MRAP: variants seen among roughly 807,000 people sequenced by gnomAD.
MRAP encodes melanocortin 2 receptor accessory protein, also known as melanocortin-2 receptor accessory protein.
A neutral mutation model predicts 8.7 loss-of-function variants in MRAP; 8 were observed. The ratio of observed to expected loss-of-function variants is 0.92; its 90% CI spans 0.54 to 1.66. The LOEUF is 1.66. MRAP is among the 40% of genes most tolerant of loss of function. The probability of loss-of-function intolerance (pLI) is 0.00; values close to 1 mark genes in which losing one functional copy is unlikely to be tolerated. For missense variants in MRAP, 237 were observed against 217.1 expected (o/e 1.09, Z -0.58); for synonymous variants, 95 against 95.5 (o/e 1.00, Z 0.03).
At chr21:32,302,319 T>C (rs1374131676) in intron 1 of MRAP, among the ~76,000 whole-genome samples, 4 of 152,378 alleles carry the variant, frequency 2.6e-5, no homozygotes, top group Non-Finnish European at 4.4e-5. Context: ...ATTGTGTCTA[T>C]GTGTGAGTCC....
At chr21:32,308,462 G>A (rs2032471902) in intron 2 of MRAP, 1 of 152,674 alleles carries the variant, frequency 6.5e-6, no homozygotes, top group South Asian at 2.1e-4. Flanking sequence ...GATGCCTGCT[G>A]TGTGCCACTA....
intron 1 of MRAP, among the ~76,000 whole-genome samples, chr21:32,302,853 G>C (rs996323765): frequency 4.6e-5 from 7 of 152,192 alleles, no homozygotes; most frequent in Non-Finnish European, 1.0e-4. Context: ...CTCTGAAAAG[G>C]AGGCAAGGAA....
At chr21:32,313,299 A>G (rs1295368583), downstream of MRAP, 1 of 152,266 alleles carries the variant, frequency 6.6e-6, no homozygotes, top group Non-Finnish European at 1.5e-5. Flanking sequence ...CCCCCTGCAT[A>G]AACAAGCAGA....
At chr21:32,313,444 A>C (rs2032626160), downstream of MRAP, 1 of 152,258 alleles carries the variant, frequency 6.6e-6, no homozygotes, top group Non-Finnish European at 1.5e-5. Flanking sequence ...TGGGATTTCA[A>C]GTTCAGGATA....
In MRAP at chr21:32,310,844, C is replaced by T. The variant is rs2032545711; in HGVS notation, c.207-840C>T. ...GTATTTTCAGTAGAGACGGGGTTTCCCTATGTTGGCCAGGATTGTCTCGAT... is the reference window on the plus strand; with the variant it reads ...GTATTTTCAGTAGAGACGGGGTTTCTCTATGTTGGCCAGGATTGTCTCGAT... On this transcript the variant is annotated intron_variant, in intron 2 of 2. Transcript: ENST00000303645. Among the ~76,000 whole-genome samples the T allele has an allele frequency of 2.6e-5, 4 of 151,936 alleles. No individual in the cohort carries two copies. The South Asian group carries it at 8.3e-4, about 32-fold the overall frequency.
At chr21:32,304,615 A>G (rs1217935628) in intron 1 of MRAP, among the ~76,000 whole-genome samples, 1 of 142,964 alleles carries the variant, frequency 7.0e-6, no homozygotes, top group African/African-American at 2.6e-5. Context: ...CTCTGTCTCA[A>G]ACAAAAAAAA....
At chr21:32,300,955 T>G (rs147116952) in intron 1 of MRAP, among the ~76,000 whole-genome samples, 2 of 148,820 alleles carry the variant, frequency 1.3e-5, no homozygotes, top group African/African-American at 2.6e-5. Context: ...CAATGATATA[T>G]CATGATTTCA....
chr21:32,310,599 C>T (rs986667063), intron 2 of MRAP, among the ~76,000 whole-genome samples: 10 of 152,024 alleles, frequency 6.6e-5, no homozygotes, highest in African/African-American at 2.4e-4. Context: ...TCCACTGCCC[C>T]AGCACTTCCC....
Position 32,304,773 on chromosome 21 carries a change from G to A in MRAP, c.107-1867G>A, listed in dbSNP as rs145359231. Reference sequence around the variant, plus strand: ...ACAGTTCCCTGCTCTAGGGGACTGCGTCAGTTTCTCAGCTCGGAGACAGAC... The same window carrying A: ...ACAGTTCCCTGCTCTAGGGGACTGCATCAGTTTCTCAGCTCGGAGACAGAC... On this transcript the variant is annotated intron_variant, in intron 1 of 2. Coordinates refer to ENST00000303645, the MANE Select transcript of MRAP (RefSeq NM_001379228.1). Among the ~76,000 whole-genome samples the A allele has an allele frequency of 1.5e-3, 228 of 152,096 alleles. 2 individuals carry two copies. The highest frequency in any genetic ancestry group is 4.7e-3 in the African/African-American group (193 of 41,494).
At chr21:32,313,359 T>A (rs1431893591), downstream of MRAP, 2 of 152,252 alleles carry the variant, frequency 1.3e-5, no homozygotes, top group African/African-American at 4.8e-5. Flanking sequence ...GAGAGGTGGA[T>A]AAAGATTAAG....
At chr21:32,301,530 T>C (rs1485052931) in intron 1 of MRAP, among the ~76,000 whole-genome samples, 1 of 152,216 alleles carries the variant, frequency 6.6e-6, no homozygotes, top group East Asian at 1.9e-4. Context: ...CCTGCCTGAA[T>C]TGACTAATTA....
At chr21:32,304,742 T>C (rs2032366266) in intron 1 of MRAP, among the ~76,000 whole-genome samples, 1 of 152,048 alleles carries the variant, frequency 6.6e-6, no homozygotes, top group Admixed American at 6.5e-5. Flanking sequence ...CCAGAGGTGC[T>C]CTTAAACAGT....
chr21:32,311,740 T>A lies in MRAP; in HGVS notation c.263T>A (p.Leu88His), dbSNP rs762530801. 6.2e-7 allele frequency: 1 copy of A among 1,614,028 alleles called. No individual in the cohort carries two copies. The highest frequency in any genetic ancestry group is 1.7e-5 in the Admixed American group (1 of 60,026). Residue 88 changes from leucine to histidine, a missense_variant, in exon 3 of 3, where the codon CTC (leucine) becomes CAC (histidine). Physicochemically the swap from Leu to His is moderately conservative, Grantham distance 99 (BLOSUM62 -3). Transcript: ENST00000303645. ...TGGAGTCACGGCCTCAACCTCCACC[T>A]CTGCATCCAGAAGTGCCTGCCGTGC... ...CPWSHGLNLH[L>H]CIQKCLPCHR...
intron 2 of MRAP, 121 bp downstream of exon 2, chr21:32,306,860 A>T (rs1437020035): frequency 2.4e-6 from 2 of 838,820 alleles, no homozygotes; most frequent in Non-Finnish European, 4.0e-6. Context: ...TTTGGGATTT[A>T]AAAATATTTG....
At chr21:32,307,669 A>C (rs568193625) in intron 2 of MRAP, among the ~76,000 whole-genome samples, 30 of 151,982 alleles carry the variant, frequency 2.0e-4, no homozygotes, top group African/African-American at 6.5e-4. Flanking sequence ...CCAAGGCAGG[A>C]GGATCGCTTG....
At chr21:32,306,239 T>TC (rs2032412325) in intron 1 of MRAP, among the ~76,000 whole-genome samples, 1 of 151,880 alleles carries the variant, frequency 6.6e-6, no homozygotes, top group South Asian at 2.1e-4. Context: ...GCTGCATCCC[T>TC]CCCGGGGGCC....
chr21:32,294,314 G>A (rs747674356), upstream of MRAP, among the ~76,000 whole-genome samples: 7 of 152,022 alleles, frequency 4.6e-5, no homozygotes, highest in South Asian at 4.2e-4. Flanking sequence ...AAGGGGTTTC[G>A]CCATTTTAGC....
chr21:32,314,768 C>G, downstream of MRAP: 1 of 1,440,884 alleles, frequency 6.9e-7, no homozygotes, highest in Non-Finnish European at 9.5e-7. Context: ...AAAGTCCTCT[C>G]AACTTTTCTT....
At position 32,293,676 on chromosome 21, in the gene MRAP, A is replaced by T. The variant is rs558582998; in HGVS notation, c.-11+544A>T. Among the ~76,000 whole-genome samples, 3 of 152,306 alleles carry T rather than the reference A, an allele frequency of 2.0e-5. No homozygotes were observed. The East Asian group carries it at 5.8e-4, about 29-fold the overall frequency. On this transcript the variant is annotated intron_variant, in intron 2 of 4. Coordinates refer to the MRAP transcript ENST00000399784. ...CAATCTGTAGTTGTGATGATCACTA[A>T]TGTAATAGAAAACATCCTAGAAAAA...
Sources: allele counts gnomAD v4.1 joint callset (sites outside exome capture counted in the v4.1 genomes callset), GRCh38; gene constraint gnomAD v4.1.1; transcripts MANE v1.5; gene names NCBI Gene and HGNC (gene_info 2026-07-23, HGNC 2026-07-21).